Variants in H6PD observed in about 807,000 individuals in gnomAD.
H6PD encodes the protein GDH/6PGL endoplasmic bifunctional protein.
H6PD carries 48 observed loss-of-function variants against 61.2 expected under a neutral mutation model. The ratio of observed to expected loss-of-function variants is 0.78; its 90% CI spans 0.62 to 1.00. H6PD has a LOEUF of 1.00. Ranked by LOEUF, H6PD falls within the 50% of genes least tolerant of loss-of-function variation. The probability of loss-of-function intolerance (pLI) is 0.00; values close to 1 mark genes in which losing one functional copy is unlikely to be tolerated. For missense variants in H6PD, 1,093 were observed against 1,065.0 expected (o/e 1.03, Z -0.37); for synonymous variants, 480 against 457.9 (o/e 1.05, Z -0.62).
chr1:9,263,439 A>T (rs1184717439), intron 4 of H6PD, 70 bp from the exon 5 acceptor site: 2 of 1,480,438 alleles, frequency 1.4e-6, no homozygotes, highest in African/African-American at 1.4e-5. Flanking sequence ...GCCGGCAAGG[A>T]GAGGAGAGGG....
At chr1:9,255,084 G>T (rs1209564810) in intron 3 of H6PD, among the ~76,000 whole-genome samples, 1 of 152,068 alleles carries the variant, frequency 6.6e-6, no homozygotes, top group African/African-American at 2.4e-5. Context: ...AATTTATCCA[G>T]TCACCAGTTA....
At chr1:9,261,319 A>G (rs1170712618) in intron 3 of H6PD, among the ~76,000 whole-genome samples, 1 of 151,602 alleles carries the variant, frequency 6.6e-6, no homozygotes. Context: ...GCTCACCTCC[A>G]TCTGGCCCCC....
In H6PD at chr1:9,254,914, C is replaced by T. The variant is rs544292290; in HGVS notation, c.746-7145C>T. Among the ~76,000 whole-genome samples, 24 of 152,316 alleles carry T rather than the reference C, an allele frequency of 1.6e-4. No individual in the cohort carries two copies. The highest frequency in any genetic ancestry group is 3.4e-3 in the Middle Eastern group (1 of 294). The stretch of plus-strand genomic sequence containing the variant: ...CAACCACAGAAATGCATTCTCTCTG[C>T]GGGGTTGCCTGTTCTGGATATTTTG... On this transcript the variant is annotated intron_variant, in intron 3 of 4. Transcript: ENST00000377403. This position sits in a 1 kb window ranked among gnomAD's most constrained non-coding sequence, Gnocchi z 4.6.
rs1356454285 is a variant in H6PD, at chr1:9,263,953, C to T, written c.1460C>T (p.Thr487Ile). The T allele has an allele frequency of 4.3e-6, 7 of 1,614,080 alleles. No individual in the cohort carries two copies. The highest frequency in any genetic ancestry group is 1.3e-5 in the African/African-American group (1 of 74,954). Residue 487 changes from threonine to isoleucine, a missense_variant, in exon 5 of 5, where the codon ACC becomes ATC. Coordinates refer to ENST00000377403, the MANE Select transcript of H6PD (RefSeq NM_004285.4). ...ENLLASWNFW[T>I]PLLESLAHKA... Reference sequence around the variant, plus strand: ...TTGCTGGCCTCCTGGAACTTCTGGACCCCTCTGCTGGAGAGCCTGGCCCAT... The same window carrying T: ...TTGCTGGCCTCCTGGAACTTCTGGATCCCTCTGCTGGAGAGCCTGGCCCAT...
chr1:9,250,372 C>T (rs1641320851), intron 3 of H6PD, among the ~76,000 whole-genome samples: 1 of 151,482 alleles, frequency 6.6e-6, no homozygotes, highest in Non-Finnish European at 1.5e-5. Context: ...TTCTCCCCCA[C>T]TCCCCACCCC....
chr1:9,253,416 C>CA (rs1270012356), intron 3 of H6PD, among the ~76,000 whole-genome samples: 1 of 152,134 alleles, frequency 6.6e-6, no homozygotes, highest in Non-Finnish European at 1.5e-5. Context: ...TTCCCTTCAT[C>CA]AAAAATTCAT....
Position 9,265,791 on chromosome 1 carries a change from G to GC in H6PD, c.*926dup, listed in dbSNP as rs1248851143. ...TTACAGGTGTGAGCTACTGCGCCCAGCCCCAGAAATCTCAGTGCTGTTTGG... is the reference window on the plus strand; with the variant it reads ...TTACAGGTGTGAGCTACTGCGCCCAGCCCCCAGAAATCTCAGTGCTGTTTGG... On this transcript the variant is annotated 3_prime_UTR_variant, in exon 5 of 5. Coordinates refer to ENST00000377403, the MANE Select transcript of H6PD (RefSeq NM_004285.4). 6.6e-6 allele frequency: 1 copy of GC among 151,114 alleles called. No individual in the cohort carries two copies. Among genetic ancestry groups the GC allele is most frequent in the Non-Finnish European group, 1.5e-5 (1 of 67,782 alleles). The allele number at this position is 151,114 out of a possible 1,614,324, so 9.4% of individuals were successfully genotyped here.
chr1:9,244,606 C>T (rs914884906), intron 1 of H6PD, among the ~76,000 whole-genome samples: 2 of 152,220 alleles, frequency 1.3e-5, no homozygotes, highest in African/African-American at 4.8e-5. Flanking sequence ...TGGACAGCTC[C>T]ACTCCCAGGC....
At position 9,244,932 on chromosome 1, in the gene H6PD, GGCA is replaced by G. The variant is rs750486465; in HGVS notation, c.-2_1del. ...TCTCTCTTTGCACCCCAGGCACCCA[GGCA>G]TGTGGAATATGCTCATAGTGGCGAT... On this transcript the variant is annotated start_lost and 5_prime_UTR_variant, in exon 2 of 5. Transcript: ENST00000377403. 4 of 1,612,824 alleles carry G rather than the reference GGCA, an allele frequency of 2.5e-6. No homozygotes were observed. In the Admixed American group the frequency reaches 5.0e-5, roughly 20 times the overall value.
In H6PD at chr1:9,247,066, A is replaced by T; in HGVS notation, c.728A>T (p.Glu243Val). 1.2e-6 allele frequency: 2 copies of T among 1,611,288 alleles called. No homozygotes were observed. The highest frequency in any genetic ancestry group is 1.7e-6 in the Non-Finnish European group (2 of 1,177,402). ...GAGCGGGTGGAGATCATCATGAAAG[A>T]GACCGTGGATGCTGAAGGTGTGTGA... ...HVERVEIIMK[E>V]TVDAEGRTSF... Residue 243 changes from glutamate (E) to valine (V), a missense_variant, in exon 3 of 5, where the codon GAG becomes GTG. Physicochemically the swap from Glu to Val is moderately radical, Grantham distance 121. Coordinates refer to ENST00000377403, the MANE Select transcript of H6PD (RefSeq NM_004285.4).
intron 3 of H6PD, among the ~76,000 whole-genome samples, chr1:9,260,572 T>C (rs538312058): frequency 1.3e-5 from 2 of 152,318 alleles, no homozygotes; most frequent in African/African-American, 2.4e-5. Flanking sequence ...GCTGTTGTTA[T>C]GTTGTTGTTA....
At chr1:9,257,411 A>T (rs1641554147) in intron 3 of H6PD, among the ~76,000 whole-genome samples, 1 of 152,076 alleles carries the variant, frequency 6.6e-6, no homozygotes, top group South Asian at 2.1e-4. Flanking sequence ...TGCTGGGATT[A>T]CCAGCATGAG....
intron 3 of H6PD, among the ~76,000 whole-genome samples, chr1:9,247,414 C>G (rs1032654982): frequency 1.3e-5 from 2 of 152,178 alleles, no homozygotes; most frequent in African/African-American, 4.8e-5. Context: ...TGAGGGCTTC[C>G]CCGACTGTGG....
Position 9,267,848 on chromosome 1 carries a change from T to C in H6PD, c.*2979T>C, listed in dbSNP as rs958850319. On this transcript the variant is annotated 3_prime_UTR_variant, in exon 5 of 5. Coordinates refer to ENST00000377403, the MANE Select transcript of H6PD (RefSeq NM_004285.4). The stretch of plus-strand genomic sequence containing the variant: ...CTTCCATCATAAATCAGTCCATTTG[T>C]TTACAACTGTGTTCCAAGCAGGTTT... 4.6e-5 allele frequency: 7 copies of C among 152,222 alleles called. No homozygotes were observed. Among genetic ancestry groups the C allele is most frequent in the Non-Finnish European group, 1.0e-4 (7 of 68,048 alleles). The allele number at this position is 152,222 out of a possible 1,614,324, so 9.4% of individuals were successfully genotyped here. A position where few individuals can be genotyped will look rare whatever the true frequency, so the allele number is the denominator to read the frequency against.
At chr1:9,258,631 G>T in intron 3 of H6PD, among the ~76,000 whole-genome samples, 1 of 149,306 alleles carries the variant, frequency 6.7e-6, no homozygotes, top group East Asian at 1.9e-4. Context: ...CTGTTATGCC[G>T]GTGTTGTGCC....
intron 3 of H6PD, among the ~76,000 whole-genome samples, chr1:9,256,007 G>A (rs574080214): frequency 6.6e-6 from 1 of 152,162 alleles, no homozygotes; most frequent in Non-Finnish European, 1.5e-5. Context: ...GAACTGCCTG[G>A]GTTTGAAGCT....
rs749142547 is a variant in H6PD at position 9,262,347 on chromosome 1, C to T, written c.1015+19C>T. ...TTCGCAGGTGGGCCCTGGGGCTGGG[C>T]ATGGGGCACTGGGCTGCCCACTTCG... On this transcript the variant is annotated intron_variant, in intron 4 of 4. Transcript: ENST00000377403. 1 of 1,590,652 alleles carries T rather than the reference C, an allele frequency of 6.3e-7. No homozygotes were observed. Among genetic ancestry groups the T allele is most frequent in the Admixed American group, 1.8e-5 (1 of 56,938 alleles).
At chr1:9,252,739 G>C (rs1313301678) in intron 3 of H6PD, among the ~76,000 whole-genome samples, 1 of 152,116 alleles carries the variant, frequency 6.6e-6, no homozygotes, top group Non-Finnish European at 1.5e-5. Context: ...AGAATGACGG[G>C]GCCAAAGGGG....
At chr1:9,256,594 A>G (rs1641526144) in intron 3 of H6PD, among the ~76,000 whole-genome samples, 2 of 152,226 alleles carry the variant, frequency 1.3e-5, no homozygotes, top group African/African-American at 2.4e-5. Flanking sequence ...CCATGGACCC[A>G]GAGTGGCTGC....
Sources: allele counts gnomAD v4.1 joint callset (sites outside exome capture counted in the v4.1 genomes callset), GRCh38; gene constraint gnomAD v4.1.1; non-coding constraint Gnocchi (gnomAD v3.1); transcripts MANE v1.5; gene names NCBI Gene and HGNC (gene_info 2026-07-23, HGNC 2026-07-21).